The following GRIN2A variants were observed in gnomAD, a reference collection of about 807,000 sequenced individuals.
GRIN2A encodes the protein glutamate receptor ionotropic, NMDA 2A.
Under a neutral mutation model 113.4 loss-of-function variants are expected in GRIN2A, and 22 were observed. That is an observed-to-expected ratio of 0.19 (90% CI 0.14 to 0.28). The LOEUF (loss-of-function observed/expected upper bound fraction) is 0.28. GRIN2A is among the 10% of genes least tolerant of loss of function. GRIN2A has a pLI of 1.00. For synonymous variants in GRIN2A, 827 were observed against 738.4 expected, an observed-to-expected ratio of 1.12 and a Z score of -1.94; for missense variants, 1,502 against 1,887.0, an observed-to-expected ratio of 0.80 and a Z score of 3.78.
intron 2 of GRIN2A, among the ~76,000 whole-genome samples, chr16:10,115,464 T>C (rs1279021766): frequency 6.6e-6 from 1 of 152,230 alleles, no homozygotes; most frequent in African/African-American, 2.4e-5. Context: ...GAAACCTATC[T>C]GGAGGAGGAT....
At chr16:10,169,127 A>T (rs2049986852) in intron 2 of GRIN2A, among the ~76,000 whole-genome samples, 2 of 151,930 alleles carry the variant, frequency 1.3e-5, no homozygotes, top group Admixed American at 6.6e-5. Flanking sequence ...CCCCTCTGAG[A>T]TTTCCCTTCT....
rs527362315 is a variant in GRIN2A at position 9,852,457 on chromosome 16, C to T, written c.1123-2496G>A. ...GAGTCAGGCAAAAGTTTCAGTCCAA[C>T]GCTCGCTCATGGAGAGAAAAGTTGC... is the stretch of plus-strand genomic sequence containing the variant. On this transcript the variant is annotated intron_variant, in intron 4 of 12. Transcript: ENST00000330684. Among the ~76,000 whole-genome samples the T allele has an allele frequency of 5.7e-4, 87 of 152,320 alleles. 1 individual carries two copies. Among genetic ancestry groups the T allele is most frequent in the East Asian group, 3.9e-4 (2 of 5,188 alleles).
intron 3 of GRIN2A, among the ~76,000 whole-genome samples, chr16:9,908,840 C>A (rs1857653895): frequency 6.6e-6 from 1 of 152,084 alleles, no homozygotes; most frequent in Non-Finnish European, 1.5e-5. Flanking sequence ...AGGGGATGCA[C>A]CACACCGTGG....
At chr16:9,993,520 C>T (rs1313252515) in intron 2 of GRIN2A, among the ~76,000 whole-genome samples, 2 of 152,178 alleles carry the variant, frequency 1.3e-5, no homozygotes, top group East Asian at 1.9e-4. Context: ...CATGACACTG[C>T]ACTCCAGCCT....
At chr16:9,771,261 G>A (rs1901256513) in intron 11 of GRIN2A, among the ~76,000 whole-genome samples, 10 of 149,270 alleles carry the variant, frequency 6.7e-5, no homozygotes, top group Admixed American at 6.7e-4. Context: ...TCTCCTCTAG[G>A]TTATTTACCT....
Position 9,760,531 on chromosome 16 carries a change from A to G in GRIN2A, c.*2618T>C. 1 of 222,512 alleles carries G rather than the reference A, an allele frequency of 4.5e-6. No homozygotes were observed. Among genetic ancestry groups the G allele is most frequent in the Non-Finnish European group, 9.0e-6 (1 of 111,470 alleles). The allele number at this position is 222,512 out of a possible 1,614,324, so 13.8% of individuals were successfully genotyped here. ...AGTGAAAAGAATATATATTTTTTTCACAACATTACTGTTGATTCTTCCAAA... is the reference window on the plus strand; with the variant it reads ...AGTGAAAAGAATATATATTTTTTTCGCAACATTACTGTTGATTCTTCCAAA... On this transcript the variant is annotated 3_prime_UTR_variant, in exon 13 of 13. Coordinates refer to ENST00000330684, the MANE Select transcript of GRIN2A (RefSeq NM_001134407.3).
intron 2 of GRIN2A, among the ~76,000 whole-genome samples, chr16:10,073,864 G>C (rs1468774239): frequency 1.3e-5 from 2 of 148,640 alleles, no homozygotes; most frequent in African/African-American, 5.0e-5. Context: ...TGCAGTGAGT[G>C]AGCTGAGATC....
chr16:10,112,119 G>A, intron 2 of GRIN2A: 1 of 596,560 alleles, frequency 1.7e-6, no homozygotes. Flanking sequence ...GCTGTGCAGG[G>A]CAGCTGTGGG....
intron 3 of GRIN2A, among the ~76,000 whole-genome samples, chr16:9,894,467 C>A (rs1170125819): frequency 6.6e-6 from 1 of 152,002 alleles, no homozygotes; most frequent in African/African-American, 2.4e-5. Flanking sequence ...TTTTTTCTCT[C>A]TTCCTTCTCC....
chr16:9,960,777 A>G (rs2045422793), intron 2 of GRIN2A, among the ~76,000 whole-genome samples: 1 of 152,238 alleles, frequency 6.6e-6, no homozygotes, highest in South Asian at 2.1e-4. Flanking sequence ...GGTGTGTTCC[A>G]CCACACCTGG....
chr16:10,075,653 G>A (rs1428392931), intron 2 of GRIN2A, among the ~76,000 whole-genome samples: 2 of 152,076 alleles, frequency 1.3e-5, no homozygotes, highest in African/African-American at 4.8e-5. Context: ...GTGTCATCCA[G>A]GACAGTCACC....
chr16:9,915,195 G>A (rs1224667239), intron 3 of GRIN2A, among the ~76,000 whole-genome samples: 1 of 151,330 alleles, frequency 6.6e-6, no homozygotes, highest in Non-Finnish European at 1.5e-5. Context: ...CTCAGCCTCC[G>A]AAAGTGCTGG....
At chr16:9,877,460 C>T (rs1164933188) in intron 4 of GRIN2A, among the ~76,000 whole-genome samples, 1 of 152,094 alleles carries the variant, frequency 6.6e-6, no homozygotes, top group Non-Finnish European at 1.5e-5. Context: ...TGGGTCTTAC[C>T]TCATAAGCCC....
At chr16:9,967,784 A>G (rs2045585142) in intron 2 of GRIN2A, among the ~76,000 whole-genome samples, 1 of 152,070 alleles carries the variant, frequency 6.6e-6, no homozygotes, top group South Asian at 2.1e-4. Context: ...AAAAGACTAC[A>G]ATAGTTAGTA....
At chr16:10,168,857 C>G (rs2049978334) in intron 2 of GRIN2A, among the ~76,000 whole-genome samples, 1 of 151,892 alleles carries the variant, frequency 6.6e-6, no homozygotes, top group Non-Finnish European at 1.5e-5. Context: ...CCCAGCTACT[C>G]AGGAGGCTGA....
intron 12 of GRIN2A, among the ~76,000 whole-genome samples, chr16:9,766,415 A>C (rs1386509523): frequency 6.6e-6 from 1 of 152,140 alleles, no homozygotes; most frequent in Non-Finnish European, 1.5e-5. Context: ...AACCGTAAAC[A>C]CAAAAGCCTA....
intron 2 of GRIN2A, among the ~76,000 whole-genome samples, chr16:10,118,616 C>T (rs575328813): frequency 7.9e-5 from 12 of 152,230 alleles, no homozygotes; most frequent in South Asian, 4.1e-4. Context: ...CCTGGTATGG[C>T]GGAGAAGAAA....
chr16:9,809,952 C>T (rs2042054815), intron 10 of GRIN2A, among the ~76,000 whole-genome samples: 1 of 152,146 alleles, frequency 6.6e-6, no homozygotes, highest in African/African-American at 2.4e-5. Flanking sequence ...CCTGTAATCC[C>T]AGCTACTCTG....
At chr16:10,048,827 A>G (rs1254839199) in intron 2 of GRIN2A, among the ~76,000 whole-genome samples, 1 of 151,954 alleles carries the variant, frequency 6.6e-6, no homozygotes, top group Non-Finnish European at 1.5e-5. Flanking sequence ...CTCCATCTCA[A>G]CCTTGGAGGG....
Sources: allele counts gnomAD v4.1 joint callset (sites outside exome capture counted in the v4.1 genomes callset), GRCh38; gene constraint gnomAD v4.1.1; transcripts MANE v1.5; gene names NCBI Gene and HGNC (gene_info 2026-07-23, HGNC 2026-07-21).